ANO6: variants seen among roughly 807,000 people sequenced by gnomAD.
The protein encoded by ANO6 is anoctamin-6.
ANO6 carries 106 observed loss-of-function variants against 117.5 expected under a neutral mutation model. The ratio of observed to expected loss-of-function variants is 0.90; its 90% CI spans 0.77 to 1.06. The LOEUF (loss-of-function observed/expected upper bound fraction) is 1.06, where lower values mean the gene tolerates loss of function less well. Among genes scored for constraint, ANO6 ranks in the 50% least tolerant of loss-of-function variants. ANO6 has a pLI of 0.00. For synonymous variants in ANO6, 367 were observed against 385.1 expected, an observed-to-expected ratio of 0.95 and a Z score of 0.55; for missense variants, 955 against 1,121.1, an observed-to-expected ratio of 0.85 and a Z score of 2.12.
At chr12:45,331,462 A>G in intron 3 of ANO6, 39 bp downstream of exon 3, 2 of 1,541,754 alleles carry the variant, frequency 1.3e-6, no homozygotes, top group Non-Finnish European at 1.8e-6. Flanking sequence ...TTTATTTCTT[A>G]TATTGTAACA....
At chr12:45,400,591 GT>G (rs1490420525) in intron 12 of ANO6, among the ~76,000 whole-genome samples, 1 of 152,200 alleles carries the variant, frequency 6.6e-6, no homozygotes, top group African/African-American at 2.4e-5. Context: ...TTAATATTCT[GT>G]TTTTACCTGA....
At chr12:45,377,738 G>A (rs1942066504) in intron 9 of ANO6, among the ~76,000 whole-genome samples, 1 of 152,212 alleles carries the variant, frequency 6.6e-6, no homozygotes, top group Non-Finnish European at 1.5e-5. Context: ...ATAAGAGGCT[G>A]TTATTCAAGC....
chr12:45,250,303 A>T (rs1947882686), intron 1 of ANO6, among the ~76,000 whole-genome samples: 1 of 152,222 alleles, frequency 6.6e-6, no homozygotes, highest in Admixed American at 6.5e-5. Flanking sequence ...GTTTTATTCC[A>T]TGCTCTCCAA....
intron 16 of ANO6, among the ~76,000 whole-genome samples, chr12:45,412,075 A>G (rs959420627): frequency 6.6e-6 from 1 of 152,196 alleles, no homozygotes; most frequent in Admixed American, 6.5e-5. Flanking sequence ...TTATTTAGTG[A>G]ATTTCCCACC....
chr12:45,324,048 C>T (rs1342989329), intron 2 of ANO6, among the ~76,000 whole-genome samples: 1 of 151,422 alleles, frequency 6.6e-6, no homozygotes, highest in South Asian at 2.1e-4. Flanking sequence ...AGCAATTCTC[C>T]TGCCTCAGCC....
At chr12:45,385,418 T>C (rs1160553257) in intron 10 of ANO6, among the ~76,000 whole-genome samples, 1 of 152,100 alleles carries the variant, frequency 6.6e-6, no homozygotes, top group Non-Finnish European at 1.5e-5. Flanking sequence ...GATTAAAAAG[T>C]AGAGTCCTCT....
chr12:45,348,353 A>AT (rs1259694013), intron 5 of ANO6, 38 bp downstream of exon 5: 9 of 1,613,180 alleles, frequency 5.6e-6, no homozygotes, highest in Non-Finnish European at 7.6e-6. Context: ...TCTTGGGGTA[A>AT]TTTGGAACCT....
chr12:45,388,070 G>A, intron 10 of ANO6, 91 bp from the exon 11 acceptor site: 2 of 1,538,420 alleles, frequency 1.3e-6, no homozygotes, highest in East Asian at 2.3e-5. Context: ...AAACAGGCCA[G>A]TACAATGGAT....
chr12:45,389,824 C>G (rs917500793), intron 11 of ANO6, among the ~76,000 whole-genome samples: 4 of 152,194 alleles, frequency 2.6e-5, no homozygotes, highest in African/African-American at 9.7e-5. Flanking sequence ...ATAGAAGCTA[C>G]TTAGAATAGT....
chr12:45,336,184 A>G (rs1346804404), intron 3 of ANO6, among the ~76,000 whole-genome samples: 2 of 151,986 alleles, frequency 1.3e-5, no homozygotes, highest in African/African-American at 4.8e-5. Flanking sequence ...AAGCATTTTT[A>G]TAATAACTGG....
At chr12:45,275,717 C>G (rs1938534583) in intron 1 of ANO6, among the ~76,000 whole-genome samples, 1 of 152,120 alleles carries the variant, frequency 6.6e-6, no homozygotes, top group African/African-American at 2.4e-5. Flanking sequence ...TGGCTTTAAG[C>G]AGTTTTCTAT....
At chr12:45,253,073 T>C (rs902582515) in intron 1 of ANO6, among the ~76,000 whole-genome samples, 2 of 152,228 alleles carry the variant, frequency 1.3e-5, no homozygotes, top group Non-Finnish European at 2.9e-5. Context: ...AAGCTTACCA[T>C]GTCTACTTTT....
intron 1 of ANO6, among the ~76,000 whole-genome samples, chr12:45,218,364 A>G (rs1308993745): frequency 6.7e-6 from 1 of 150,286 alleles, no homozygotes; most frequent in Non-Finnish European, 1.5e-5. Flanking sequence ...AGTATCTATG[A>G]ATGTGATTTC....
Position 45,224,570 on chromosome 12 carries a change from T to C in ANO6, c.70+8179T>C, listed in dbSNP as rs140188565. ...ATTTTCAGTTTCAAGTCCACAGACA[T>C]GATTTATCTTGCACATTCTTTCAAG... On this transcript the variant is annotated intron_variant, in intron 1 of 19. Coordinates refer to ENST00000320560, the MANE Select transcript of ANO6 (RefSeq NM_001025356.3). Among the ~76,000 whole-genome samples the C allele has an allele frequency of 7.9e-4, 121 of 152,324 alleles. 1 individual carries two copies. Among genetic ancestry groups the C allele is most frequent in the African/African-American group, 2.8e-3 (118 of 41,568 alleles).
At chr12:45,309,681 C>A (rs1939788029) in intron 2 of ANO6, among the ~76,000 whole-genome samples, 1 of 78,360 alleles carries the variant, frequency 1.3e-5, no homozygotes, top group African/African-American at 3.6e-5. Flanking sequence ...AATCCAAGAC[C>A]TTTCTTGGCT....
intron 13 of ANO6, 140 bp downstream of exon 13, chr12:45,402,160 G>C: frequency 2.9e-6 from 2 of 697,432 alleles, no homozygotes; most frequent in Non-Finnish European, 4.8e-6. Context: ...ATTTTCTCTA[G>C]CATGTATGGA....
At chr12:45,420,809 GAGACCAGGAGTTCA>G (rs1287534274) in intron 17 of ANO6, among the ~76,000 whole-genome samples, 1 of 107,198 alleles carries the variant, frequency 9.3e-6, no homozygotes, top group African/African-American at 5.1e-5. Context: ...CCAGGAGTTC[GAGACCAGGAGTTCA>G]AGACCAGCCT....
intron 1 of ANO6, among the ~76,000 whole-genome samples, chr12:45,218,390 CTTTTTT>C (rs76855973): frequency 3.6e-5 from 4 of 110,132 alleles, no homozygotes; most frequent in Non-Finnish European, 7.2e-5. Flanking sequence ...CTTTCTTTCT[CTTTTTT>C]TTTTTTTTTT....
At chr12:45,345,229 TC>T (rs1941096833) in intron 3 of ANO6, among the ~76,000 whole-genome samples, 2 of 152,236 alleles carry the variant, frequency 1.3e-5, no homozygotes, top group African/African-American at 2.4e-5. Context: ...TTCTGATACT[TC>T]AACACAATAC....
Sources: allele counts gnomAD v4.1 joint callset (sites outside exome capture counted in the v4.1 genomes callset), GRCh38; gene constraint gnomAD v4.1.1; transcripts MANE v1.5; gene names NCBI Gene and HGNC (gene_info 2026-07-23, HGNC 2026-07-21).